PLPPR2: variants seen among roughly 807,000 people sequenced by gnomAD.
PLPPR2 encodes the protein phospholipid phosphatase related 2, also known as phospholipid phosphatase-related protein type 2.
In PLPPR2, 11 loss-of-function variants were observed where a neutral mutation model predicts 40.3. The ratio of observed to expected loss-of-function variants is 0.27; its 90% CI spans 0.17 to 0.45. The LOEUF (loss-of-function observed/expected upper bound fraction) is 0.45, where lower values mean the gene tolerates loss of function less well. PLPPR2 is among the 20% of genes least tolerant of loss of function. The pLI, the probability that PLPPR2 is intolerant of heterozygous loss-of-function variation, is 1.00. For synonymous variants in PLPPR2, 260 were observed against 290.8 expected (o/e 0.89, Z 1.08); for missense variants, 497 against 640.7 (o/e 0.78, Z 2.42).
rs1967979720 is a variant in PLPPR2, at chr19:11,359,324, G to C, written c.67-208G>C. Reference sequence around the variant, plus strand: ...TCTGTTTCTGTCTCCTTCTCCTTCTGTTTCTCCTAAGCCCTGACCCTTCTC... The same window carrying C: ...TCTGTTTCTGTCTCCTTCTCCTTCTCTTTCTCCTAAGCCCTGACCCTTCTC... On this transcript the variant is annotated intron_variant, in intron 3 of 9. Transcript: ENST00000688289. This position sits in a 1 kb window ranked among gnomAD's most constrained non-coding sequence, Gnocchi z 5.6. The C allele has an allele frequency of 6.6e-6, 3 of 453,474 alleles. No individual in the cohort carries two copies. In the South Asian group the frequency reaches 1.5e-4, roughly 23 times the overall value. 28.1% of individuals were successfully genotyped at this position (453,474 alleles called of 1,614,324 possible).
chr19:11,364,008 G>A lies in PLPPR2; in HGVS notation c.964-153G>A. The A allele has an allele frequency of 7.5e-7, 1 of 1,329,886 alleles. No homozygotes were observed. Among genetic ancestry groups the A allele is most frequent in the Non-Finnish European group, 1.0e-6 (1 of 971,870 alleles). 82.4% of individuals were successfully genotyped at this position (1,329,886 alleles called of 1,614,324 possible). On this transcript the variant is annotated intron_variant, in intron 8 of 9. Coordinates refer to ENST00000688289, the MANE Select transcript of PLPPR2 (RefSeq NM_001393892.1). The surrounding 1 kb of genome is among the most constrained non-coding windows in gnomAD (Gnocchi z 5.8). ...GCGGACAGCCCCAAAGAATGAAAGG[G>A]AGCACCCCCGTCTTCTTCCCAGGGG...
chr19:11,363,875 G>A lies in PLPPR2; in HGVS notation c.963+40G>A. 1 of 1,595,906 alleles carries A rather than the reference G, an allele frequency of 6.3e-7. No homozygotes were observed. ...GGGCTGCTCCCGGCTGGAGAGGGTG[G>A]TGGGTGGAGGGGGCCAAGGAGACAG... On this transcript the variant is annotated intron_variant, in intron 8 of 9. Transcript: ENST00000688289. The surrounding 1 kb of genome is among the most constrained non-coding windows in gnomAD (Gnocchi z 4.8).
In PLPPR2 at chr19:11,361,241, C is replaced by T; in HGVS notation, c.416C>T (p.Thr139Ile). The T allele has an allele frequency of 2.5e-6, 4 of 1,611,798 alleles. No individual in the cohort carries two copies. Among genetic ancestry groups the T allele is most frequent in the Non-Finnish European group, 3.4e-6 (4 of 1,179,780 alleles). Residue 139 changes from threonine to isoleucine, a missense_variant, in exon 6 of 10, where the codon ACC becomes ATC. Thr to Ile is a moderately conservative substitution (Grantham distance 89). Transcript: ENST00000688289. This position sits in a 1 kb window ranked among gnomAD's most constrained non-coding sequence, Gnocchi z 6.3. ...GGGGTCTACTCCTTCGGCCTCTTCA[C>T]CACGACCATCTTCGCCAACGCGGGG... ...FLGVYSFGLF[T>I]TTIFANAGQV... is the part of the protein sequence containing the mutation.
Position 11,359,009 on chromosome 19 carries a change from A to T in PLPPR2, c.67-523A>T, listed in dbSNP as rs1175257503. ...GGATTACAAGCATGAGCCACGTTTT[A>T]ATTTTTTTTCTTTCTTTTTGTCTTT... On this transcript the variant is annotated intron_variant, in intron 3 of 9. Transcript: ENST00000688289. This position sits in a 1 kb window ranked among gnomAD's most constrained non-coding sequence, Gnocchi z 5.6. 6.7e-6 allele frequency among the ~76,000 whole-genome samples: 1 copy of T among 150,362 alleles called. No homozygotes were observed. The highest frequency in any genetic ancestry group is 1.5e-5 in the Non-Finnish European group (1 of 67,588).
rs1215075771 is a variant in PLPPR2 at position 11,361,918 on chromosome 19, C to T, written c.663+430C>T. ...TGCCCCTCTTCTGGAGCCCTTGCCC[C>T]TCTCCTGGGGGCCTTGTTCCCTCCT... On this transcript the variant is annotated intron_variant, in intron 6 of 9. Coordinates refer to ENST00000688289, the MANE Select transcript of PLPPR2 (RefSeq NM_001393892.1). The surrounding 1 kb of genome is among the most constrained non-coding windows in gnomAD (Gnocchi z 6.3). 6.6e-5 allele frequency among the ~76,000 whole-genome samples: 10 copies of T among 151,926 alleles called. No individual in the cohort carries two copies. The highest frequency in any genetic ancestry group is 5.9e-4 in the Admixed American group (9 of 15,270).
Position 11,364,412 on chromosome 19 carries a change from A to G in PLPPR2, c.1081A>G (p.Met361Val). The change falls in exon 10 of 10, where the codon ATG becomes GTG. Residue 361 changes from methionine to valine, a missense_variant. Transcript: ENST00000688289. The surrounding 1 kb of genome is among the most constrained non-coding windows in gnomAD (Gnocchi z 5.8). Reference protein sequence around the residue: ...PSCVSSRAPAMCSSPRVPRPR... With the variant: ...PSCVSSRAPAVCSSPRVPRPR... ...CTGTGTCTCCTCCAGGGCCCCAGCC[A>G]TGTGTTCGTCGCCCCGTGTGCCCCG... is the stretch of plus-strand genomic sequence containing the variant. The G allele has an allele frequency of 6.6e-7, 1 of 1,520,540 alleles. No individual in the cohort carries two copies. 94.2% of individuals were successfully genotyped at this position (1,520,540 alleles called of 1,614,324 possible).
chr19:11,357,776 C>T, intron 3 of PLPPR2, 37 bp downstream of exon 3: 1 of 1,536,262 alleles, frequency 6.5e-7, no homozygotes, highest in Non-Finnish European at 8.9e-7. Flanking sequence ...GACGGCGTGC[C>T]TATCTCTGTC....
Position 11,362,467 on chromosome 19 carries a change from G to A in PLPPR2, c.664-46G>A, listed in dbSNP as rs1418952723. On this transcript the variant is annotated intron_variant, in intron 6 of 9. Coordinates refer to ENST00000688289, the MANE Select transcript of PLPPR2 (RefSeq NM_001393892.1). This position sits in a 1 kb window ranked among gnomAD's most constrained non-coding sequence, Gnocchi z 5.3. ...CAGAAAGGAGCGTCCACTTGGGTTC[G>A]GCGACTTGCCTCCGCTATCCCCCTG... is the stretch of plus-strand genomic sequence containing the variant. 6.2e-7 allele frequency: 1 copy of A among 1,602,802 alleles called. No individual in the cohort carries two copies. Among genetic ancestry groups the A allele is most frequent in the Non-Finnish European group, 8.5e-7 (1 of 1,179,250 alleles).
At chr19:11,358,633 T>G (rs1221280475) in intron 3 of PLPPR2, among the ~76,000 whole-genome samples, 1 of 151,096 alleles carries the variant, frequency 6.6e-6, no homozygotes, top group Non-Finnish European at 1.5e-5. Flanking sequence ...CTTTCTCCTC[T>G]TCTCCCCTCC....
chr19:11,358,917 G>A (rs188386216), intron 3 of PLPPR2, among the ~76,000 whole-genome samples: 483 of 152,162 alleles, frequency 3.2e-3, no homozygotes, highest in Admixed American at 5.5e-3. Flanking sequence ...GTTTTGTCAT[G>A]TTGTCCAGGC....
chr19:11,362,549 C>T lies in PLPPR2; in HGVS notation c.700C>T (p.Arg234Cys), dbSNP rs1968079127. The T allele has an allele frequency of 1.2e-6, 2 of 1,611,900 alleles. No homozygotes were observed. The highest frequency in any genetic ancestry group is 1.3e-5 in the African/African-American group (1 of 75,070). ...VTLVFRVKGSRLVKPSLCLAL... is the reference protein window; with the variant it reads ...VTLVFRVKGSCLVKPSLCLAL... ...TCTCGTGTTCCGCGTGAAGGGCTCC[C>T]GCCTGGTCAAACCCTCGCTCTGCCT... is the stretch of plus-strand genomic sequence containing the variant. The change falls in exon 7 of 10, where the codon CGC becomes TGC. Residue 234 changes from arginine to cysteine, a missense_variant. Transcript: ENST00000688289. This position sits in a 1 kb window ranked among gnomAD's most constrained non-coding sequence, Gnocchi z 5.3.
intron 1 of PLPPR2, 89 bp downstream of exon 1, chr19:11,355,661 CT>C (rs1967842227): frequency 6.7e-6 from 1 of 150,368 alleles, no homozygotes; most frequent in Non-Finnish European, 1.5e-5. Flanking sequence ...GGTTGGGTCC[CT>C]CTGGGTCCAG....
rs1968061806 is a variant in PLPPR2, at chr19:11,362,053, T to C, written c.664-460T>C. Among the ~76,000 whole-genome samples the C allele has an allele frequency of 6.6e-6, 1 of 152,130 alleles. No homozygotes were observed. The highest frequency in any genetic ancestry group is 1.5e-5 in the Non-Finnish European group (1 of 68,000). On this transcript the variant is annotated intron_variant, in intron 6 of 9. Transcript: ENST00000688289. The surrounding 1 kb of genome is among the most constrained non-coding windows in gnomAD (Gnocchi z 5.3). ...GTTGCTTCAACTCTTTTTTCTGGCATCCGGGTTTATGCTCCCACCCTGTCA... is the reference window on the plus strand; with the variant it reads ...GTTGCTTCAACTCTTTTTTCTGGCACCCGGGTTTATGCTCCCACCCTGTCA...
intron 5 of PLPPR2, among the ~76,000 whole-genome samples, chr19:11,360,194 T>G (rs1968005225): frequency 6.7e-6 from 1 of 150,334 alleles, no homozygotes; most frequent in Admixed American, 6.7e-5. Flanking sequence ...GCTGGGCGTG[T>G]GGCAGGTGCC....
At chr19:11,357,154 AACCAGAC>A (rs1423606062) in intron 2 of PLPPR2, among the ~76,000 whole-genome samples, 178 bp downstream of exon 2, 6 of 152,052 alleles carry the variant, frequency 3.9e-5, no homozygotes, top group Non-Finnish European at 8.8e-5. Flanking sequence ...CTATCAGCCC[AACCAGAC>A]ACCAACACCA....
At position 11,362,319 on chromosome 19, in the gene PLPPR2, AC is replaced by A. The variant is rs3833252; in HGVS notation, c.664-184del. 48,525 of 319,408 alleles carry A rather than the reference AC, an allele frequency of 0.15. 144 individuals carry two copies. The highest frequency in any genetic ancestry group is 0.19 in the South Asian group (5,966 of 32,028). The allele number at this position is 319,408 out of a possible 1,614,324, so 19.8% of individuals were successfully genotyped here. A position where few individuals can be genotyped will look rare whatever the true frequency, so the allele number is the denominator to read the frequency against. The stretch of plus-strand genomic sequence containing the variant: ...CGAGACTCCAAGACCTCAATCCCTG[AC>A]CCCCCCCCCTTTGCCTTTTTGGTCA... On this transcript the variant is annotated intron_variant, in intron 6 of 9. Coordinates refer to ENST00000688289, the MANE Select transcript of PLPPR2 (RefSeq NM_001393892.1). The surrounding 1 kb of genome is among the most constrained non-coding windows in gnomAD (Gnocchi z 5.3).
chr19:11,362,466 C>T lies in PLPPR2; in HGVS notation c.664-47C>T. On this transcript the variant is annotated intron_variant, in intron 6 of 9. Coordinates refer to ENST00000688289, the MANE Select transcript of PLPPR2 (RefSeq NM_001393892.1). The surrounding 1 kb of genome is among the most constrained non-coding windows in gnomAD (Gnocchi z 5.3). ...CCAGAAAGGAGCGTCCACTTGGGTT[C>T]GGCGACTTGCCTCCGCTATCCCCCT... The T allele has an allele frequency of 2.5e-6, 4 of 1,601,984 alleles. No homozygotes were observed. Among genetic ancestry groups the T allele is most frequent in the Non-Finnish European group, 2.5e-6 (3 of 1,178,710 alleles).
rs1398808194 is a variant in PLPPR2, at chr19:11,359,212, A to T, written c.67-320A>T. ...AGTTGTACAGAGATAAGGTCATGCGATCTCAAACTCCTGAGCTCAAGGGAT... is the reference window on the plus strand; with the variant it reads ...AGTTGTACAGAGATAAGGTCATGCGTTCTCAAACTCCTGAGCTCAAGGGAT... On this transcript the variant is annotated intron_variant, in intron 3 of 9. Coordinates refer to ENST00000688289, the MANE Select transcript of PLPPR2 (RefSeq NM_001393892.1). This position sits in a 1 kb window ranked among gnomAD's most constrained non-coding sequence, Gnocchi z 5.6. Among the ~76,000 whole-genome samples the T allele has an allele frequency of 6.6e-6, 1 of 151,516 alleles. No homozygotes were observed. The highest frequency in any genetic ancestry group is 1.5e-5 in the Non-Finnish European group (1 of 67,884).
In PLPPR2 at chr19:11,362,331, T is replaced by TC; in HGVS notation, c.664-182_664-181insC. 1.1e-5 allele frequency: 4 copies of TC among 379,294 alleles called. No homozygotes were observed. Among genetic ancestry groups the TC allele is most frequent in the Admixed American group, 7.4e-5 (2 of 27,174 alleles). The allele number at this position is 379,294 out of a possible 1,614,324, so 23.5% of individuals were successfully genotyped here. On this transcript the variant is annotated intron_variant, in intron 6 of 9. Coordinates refer to ENST00000688289, the MANE Select transcript of PLPPR2 (RefSeq NM_001393892.1). The surrounding 1 kb of genome is among the most constrained non-coding windows in gnomAD (Gnocchi z 5.3). ...ACCTCAATCCCTGACCCCCCCCCCTTTGCCTTTTTGGTCACGCTCCCTGGA... is the reference window on the plus strand; with the variant it reads ...ACCTCAATCCCTGACCCCCCCCCCTTCTGCCTTTTTGGTCACGCTCCCTGGA...
Sources: gnomAD v4.1 joint callset for allele counts (sites outside exome capture counted in the v4.1 genomes callset) on GRCh38, gnomAD v4.1.1 for gene constraint, Gnocchi (gnomAD v3.1) non-coding constraint, MANE v1.5 for transcripts, NCBI Gene and HGNC (gene_info 2026-07-23, HGNC 2026-07-21) for gene names.